The following HHAT variants were observed in gnomAD, a reference collection of about 807,000 sequenced individuals.
HHAT encodes hedgehog acyltransferase.
HHAT carries 47 observed loss-of-function variants against 70.8 expected under a neutral mutation model. The observed-to-expected ratio is 0.66, with a 90% CI of 0.53 to 0.85. The LOEUF is 0.85. HHAT is among the 40% of genes least tolerant of loss of function. HHAT has a pLI of 0.00. For missense variants in HHAT, 609 were observed against 604.8 expected (o/e 1.01, Z -0.07); for synonymous variants, 228 against 247.6 (o/e 0.92, Z 0.74).
intron 9 of HHAT, among the ~76,000 whole-genome samples, chr1:210,516,513 C>A (rs72749320): frequency 0.061 from 9,304 of 151,988 alleles, 353 homozygotes; most frequent in South Asian, 0.13. Flanking sequence ...TTAGAGAAAA[C>A]CTTAGAGGGT....
chr1:210,422,690 T>G (rs2092941510), intron 7 of HHAT, among the ~76,000 whole-genome samples: 2 of 152,126 alleles, frequency 1.3e-5, no homozygotes, highest in African/African-American at 4.8e-5. Flanking sequence ...CAGGCTGGAG[T>G]GCAGTGGCAT....
chr1:210,651,534 C>T (rs143959407), intron 11 of HHAT, among the ~76,000 whole-genome samples: 258 of 152,256 alleles, frequency 1.7e-3, no homozygotes, highest in African/African-American at 5.9e-3. Flanking sequence ...GGGTACCCTG[C>T]GGCTTACGAT....
intron 6 of HHAT, among the ~76,000 whole-genome samples, chr1:210,406,763 G>A (rs568254781): frequency 4.5e-4 from 68 of 152,214 alleles, no homozygotes; most frequent in Middle Eastern, 3.4e-3. Flanking sequence ...ACAGAGGCAC[G>A]CTTTAAGATT....
At chr1:210,604,863 A>T (rs997708871) in intron 10 of HHAT, among the ~76,000 whole-genome samples, 1 of 152,212 alleles carries the variant, frequency 6.6e-6, no homozygotes, top group Non-Finnish European at 1.5e-5. Flanking sequence ...AAAAACAAAT[A>T]AAAATCAGCC....
At chr1:210,404,876 A>G (rs995603330) in intron 6 of HHAT, among the ~76,000 whole-genome samples, 197 bp downstream of exon 6, 1 of 152,172 alleles carries the variant, frequency 6.6e-6, no homozygotes, top group Non-Finnish European at 1.5e-5. Flanking sequence ...AGTTTGACCC[A>G]TCAGATATGT....
chr1:210,341,492 C>G (rs1165201005), intron 1 of HHAT, among the ~76,000 whole-genome samples: 1 of 152,204 alleles, frequency 6.6e-6, no homozygotes, highest in African/African-American at 2.4e-5. Flanking sequence ...GGATTTCTGC[C>G]TGTATGACAG....
Position 210,671,500 on chromosome 1 carries a change from A to C in HHAT, c.1391-2788A>C, listed in dbSNP as rs187604381. Among the ~76,000 whole-genome samples the C allele has an allele frequency of 1.5e-3, 235 of 152,342 alleles. 1 individual carries two copies. The highest frequency in any genetic ancestry group is 5.4e-3 in the African/African-American group (224 of 41,584). Reference sequence around the variant, plus strand: ...CCTCAGAATGTGACTTCATTTGGGAATAGGTTCTTTATGGATATAACTTGT... The same window carrying C: ...CCTCAGAATGTGACTTCATTTGGGACTAGGTTCTTTATGGATATAACTTGT... On this transcript the variant is annotated intron_variant, in intron 11 of 11. Transcript: ENST00000261458.
chr1:210,563,650 C>G (rs2095643918), intron 9 of HHAT, among the ~76,000 whole-genome samples: 1 of 152,160 alleles, frequency 6.6e-6, no homozygotes, highest in South Asian at 2.1e-4. Flanking sequence ...AGATCCAACT[C>G]TCAGCATAGG....
intron 11 of HHAT, among the ~76,000 whole-genome samples, chr1:210,657,393 G>GTC (rs1676671304): frequency 6.6e-6 from 1 of 152,198 alleles, no homozygotes; most frequent in Admixed American, 6.5e-5. Context: ...ATAGACTGCA[G>GTC]TCACAGTGGG....
chr1:210,328,897 C>A, upstream of HHAT: 2 of 726,736 alleles, frequency 2.8e-6, no homozygotes, highest in Non-Finnish European at 3.8e-6. Flanking sequence ...GCGCGGAGGG[C>A]GCGCGGGCAC....
chr1:210,420,231 A>G (rs1327825239), intron 7 of HHAT, among the ~76,000 whole-genome samples: 1 of 152,204 alleles, frequency 6.6e-6, no homozygotes, highest in African/African-American at 2.4e-5. Context: ...TCGTATGAAT[A>G]GATTCATGCT....
intron 9 of HHAT, among the ~76,000 whole-genome samples, chr1:210,564,434 G>A (rs898159826): frequency 5.9e-5 from 9 of 152,194 alleles, no homozygotes; most frequent in Non-Finnish European, 1.3e-4. Flanking sequence ...CTCCATTGGA[G>A]CCACAGAAGC....
At chr1:210,633,366 C>T (rs1029751047) in intron 11 of HHAT, among the ~76,000 whole-genome samples, 1 of 152,166 alleles carries the variant, frequency 6.6e-6, no homozygotes, top group African/African-American at 2.4e-5. Context: ...AGTCAAATGC[C>T]CGGTCGCAGC....
intron 3 of HHAT, among the ~76,000 whole-genome samples, chr1:210,368,516 C>T (rs2089238515): frequency 5.3e-5 from 8 of 152,072 alleles, no homozygotes; most frequent in Admixed American, 5.2e-4. Flanking sequence ...GTCTTGAACT[C>T]CTGGCCTCAA....
intron 7 of HHAT, among the ~76,000 whole-genome samples, chr1:210,427,673 T>C (rs1359986797): frequency 6.6e-6 from 1 of 152,194 alleles, no homozygotes; most frequent in African/African-American, 2.4e-5. Flanking sequence ...AGAGACTATG[T>C]TATGATTTCA....
intron 3 of HHAT, among the ~76,000 whole-genome samples, chr1:210,386,518 G>A (rs372336290): frequency 2.0e-5 from 3 of 151,812 alleles, no homozygotes; most frequent in Non-Finnish European, 4.4e-5. Context: ...GATTACAGGC[G>A]TGAGCCACCG....
intron 11 of HHAT, among the ~76,000 whole-genome samples, chr1:210,633,886 A>G (rs1158698975): frequency 6.6e-6 from 1 of 152,162 alleles, no homozygotes; most frequent in Non-Finnish European, 1.5e-5. Flanking sequence ...TGGCTATTGT[A>G]GCGTGCCAGC....
intron 9 of HHAT, among the ~76,000 whole-genome samples, chr1:210,549,198 A>C (rs1285205096): frequency 7.5e-6 from 1 of 133,374 alleles, no homozygotes; most frequent in East Asian, 3.8e-4. Flanking sequence ...TAAGGTAGGC[A>C]TGATTGTTGT....
intron 9 of HHAT, among the ~76,000 whole-genome samples, chr1:210,519,347 C>T (rs929758441): frequency 6.6e-6 from 1 of 152,104 alleles, no homozygotes; most frequent in South Asian, 2.1e-4. Flanking sequence ...TACTGATGTT[C>T]TTTCCTCTGG....
Sources: gnomAD v4.1 joint callset for allele counts (sites outside exome capture counted in the v4.1 genomes callset) on GRCh38, gnomAD v4.1.1 for gene constraint, MANE v1.5 for transcripts, NCBI Gene and HGNC (gene_info 2026-07-23, HGNC 2026-07-21) for gene names.